MLXIPL: variants seen among roughly 807,000 people sequenced by gnomAD.
MLXIPL encodes the protein carbohydrate-responsive element-binding protein.
In MLXIPL, 49 loss-of-function variants were observed where a neutral mutation model predicts 81.5. The ratio of observed to expected loss-of-function variants is 0.60; its 90% CI spans 0.48 to 0.76. The LOEUF (loss-of-function observed/expected upper bound fraction) is 0.76. MLXIPL is among the 30% of genes least tolerant of loss of function. The probability of loss-of-function intolerance (pLI) is 0.00; values close to 1 mark genes in which losing one functional copy is unlikely to be tolerated. For missense variants in MLXIPL, 1,053 were observed against 1,167.0 expected (o/e 0.90, Z 1.42); for synonymous variants, 466 against 485.5 (o/e 0.96, Z 0.53).
At chr7:73,647,662 C>T in the MLXIPL span, among the ~76,000 whole-genome samples, 1 of 152,172 alleles carries the variant, frequency 6.6e-6, no homozygotes, top group African/African-American at 2.4e-5. Context: ...GAGCCAGAGA[C>T]GCGCGCCTCT....
chr7:73,637,299 G>A, the MLXIPL span, among the ~76,000 whole-genome samples: 42 of 151,804 alleles, frequency 2.8e-4, no homozygotes, highest in East Asian at 7.0e-3. Flanking sequence ...CCAACACGGC[G>A]AAACCCCGTC....
At chr7:73,636,331 A>G in the MLXIPL span, among the ~76,000 whole-genome samples, 1 of 151,004 alleles carries the variant, frequency 6.6e-6, no homozygotes, top group Non-Finnish European at 1.5e-5. Context: ...AATTGCTTGA[A>G]CCTGGGAGGT....
At chr7:73,644,851 A>G in the MLXIPL span, among the ~76,000 whole-genome samples, 3 of 152,102 alleles carry the variant, frequency 2.0e-5, no homozygotes, top group African/African-American at 7.2e-5. Flanking sequence ...CTGCTGGATA[A>G]CTGGCCCCAT....
At chr7:73,602,078 G>GCCTT (rs1563486970) in intron 7 of MLXIPL, among the ~76,000 whole-genome samples, 1 of 105,126 alleles carries the variant, frequency 9.5e-6, no homozygotes, top group African/African-American at 3.2e-5. Context: ...CCACCTGCCT[G>GCCTT]CCTGCCTGCC....
the MLXIPL span, among the ~76,000 whole-genome samples, chr7:73,641,415 G>T: frequency 6.6e-6 from 1 of 152,106 alleles, no homozygotes; most frequent in Non-Finnish European, 1.5e-5. Flanking sequence ...GTTGTGAAGA[G>T]CCAGGGGAGG....
intron 7 of MLXIPL, among the ~76,000 whole-genome samples, chr7:73,604,215 C>CAAAAAA (rs55693159): frequency 2.0e-5 from 1 of 50,000 alleles, no homozygotes; most frequent in Non-Finnish European, 3.3e-5. Context: ...GACTCCGTCT[C>CAAAAAA]AAAAAAAAAA....
the MLXIPL span, among the ~76,000 whole-genome samples, chr7:73,639,754 G>T: frequency 6.6e-6 from 1 of 152,160 alleles, no homozygotes; most frequent in Non-Finnish European, 1.5e-5. Context: ...AAGATGCAAT[G>T]CTAATTTAAA....
intron 1 of MLXIPL, among the ~76,000 whole-genome samples, chr7:73,620,329 A>G (rs782616477): frequency 5.3e-5 from 8 of 151,490 alleles, no homozygotes; most frequent in Non-Finnish European, 1.0e-4. Context: ...GCTTGAACCC[A>G]GGAGGCGGAT....
Position 73,604,310 on chromosome 7 carries a change from A to T in MLXIPL, c.901+1378T>A, listed in dbSNP as rs112843552. ...TAACGCACTGGGCACGGTGGCACAC[A>T]CCTGTAATCCCAGCACTTTGGGAGG... On this transcript the variant is annotated intron_variant, in intron 7 of 16. Transcript: ENST00000313375. Among the ~76,000 whole-genome samples, 22 of 148,124 alleles carry T rather than the reference A, an allele frequency of 1.5e-4. No individual in the cohort carries two copies. In the South Asian group the frequency reaches 1.5e-3, roughly 10 times the overall value.
At chr7:73,643,772 T>C in the MLXIPL span, among the ~76,000 whole-genome samples, 1 of 152,056 alleles carries the variant, frequency 6.6e-6, no homozygotes, top group African/African-American at 2.4e-5. Context: ...GTAGACACTT[T>C]ATTTTATTTT....
Position 73,624,441 on chromosome 7 carries a change from C to A in MLXIPL, c.52G>T (p.Ala18Ser), listed in dbSNP as rs782517270. The A allele has an allele frequency of 3.9e-6, 6 of 1,555,246 alleles. No individual in the cohort carries two copies. In the South Asian group the frequency reaches 7.0e-5, roughly 18 times the overall value. ...LAAGLQVPRV[A>S]PSPDSDSDTD... The stretch of plus-strand genomic sequence containing the variant: ...TCCGAGTCCGAGTCTGGGCTGGGCG[C>A]GACCCGCGGGACCTGCAAGCCCGCG... Residue 18 changes from alanine (A) to serine (S), a missense_variant, in exon 1 of 17, where the codon GCG becomes TCG. Physicochemically the swap from Ala to Ser is moderately conservative, Grantham distance 99. Transcript: ENST00000313375.
At chr7:73,598,320 A>G (rs1554595026) in intron 8 of MLXIPL, among the ~76,000 whole-genome samples, 2 of 152,062 alleles carry the variant, frequency 1.3e-5, no homozygotes, top group Non-Finnish European at 2.9e-5. Flanking sequence ...ATATTAACTA[A>G]TCCATCCAAC....
At chr7:73,601,275 C>T (rs538753320) in intron 7 of MLXIPL, among the ~76,000 whole-genome samples, 1 of 151,850 alleles carries the variant, frequency 6.6e-6, no homozygotes, top group Admixed American at 6.6e-5. Flanking sequence ...GTTGCCCAGG[C>T]TGGTCTCAAA....
chr7:73,600,048 G>A (rs1305542044), intron 7 of MLXIPL, among the ~76,000 whole-genome samples: 1 of 151,974 alleles, frequency 6.6e-6, no homozygotes, highest in Non-Finnish European at 1.5e-5. Context: ...TGCTGGAGGT[G>A]CAGAAAGGGG....
intron 16 of MLXIPL, 33 bp downstream of exon 16, chr7:73,594,241 T>C: frequency 6.2e-7 from 1 of 1,609,992 alleles, no homozygotes. Flanking sequence ...CGAGGCTGGG[T>C]CCCTCTAGCA....
upstream of MLXIPL, among the ~76,000 whole-genome samples, chr7:73,625,622 G>A (rs1481425592): frequency 2.0e-5 from 3 of 151,788 alleles, no homozygotes; most frequent in Non-Finnish European, 4.4e-5. Flanking sequence ...CGGATGTGAC[G>A]ATGCGTGCTT....
the MLXIPL span, among the ~76,000 whole-genome samples, chr7:73,636,725 A>G: frequency 2.6e-5 from 4 of 152,168 alleles, no homozygotes; most frequent in African/African-American, 9.6e-5. Flanking sequence ...GCAACAAGAT[A>G]AACACAAAAA....
chr7:73,602,719 T>G (rs1182273557), intron 7 of MLXIPL, among the ~76,000 whole-genome samples: 1 of 152,088 alleles, frequency 6.6e-6, no homozygotes, highest in Non-Finnish European at 1.5e-5. Flanking sequence ...GAGTGGTCAC[T>G]GCTGCTCCCC....
At chr7:73,641,090 C>A in the MLXIPL span, among the ~76,000 whole-genome samples, 1 of 151,672 alleles carries the variant, frequency 6.6e-6, no homozygotes, top group South Asian at 2.1e-4. Context: ...TCACTTGAGC[C>A]CAGGAGTTTG....
Sources: allele counts gnomAD v4.1 joint callset (sites outside exome capture counted in the v4.1 genomes callset), GRCh38; gene constraint gnomAD v4.1.1; transcripts MANE v1.5; gene names NCBI Gene and HGNC (gene_info 2026-07-23, HGNC 2026-07-21).